The following TMEM217 variants were observed in gnomAD, a reference collection of about 807,000 sequenced individuals.
TMEM217 encodes the protein chromosome 6 open reading frame 128.
For synonymous variants in TMEM217, 76 were observed against 88.3 expected, an observed-to-expected ratio of 0.86 and a Z score of 0.78; for missense variants, 204 against 248.8, an observed-to-expected ratio of 0.82 and a Z score of 1.21.
chr6:37,240,368 G>A (rs1322560986), intron 1 of TMEM217, among the ~76,000 whole-genome samples: 1 of 152,112 alleles, frequency 6.6e-6, no homozygotes, highest in Non-Finnish European at 1.5e-5. Flanking sequence ...TCTGACTGTT[G>A]GCAGGAAGCC....
intron 1 of TMEM217, among the ~76,000 whole-genome samples, chr6:37,251,259 A>T (rs1453314980): frequency 6.6e-6 from 1 of 151,634 alleles, no homozygotes; most frequent in African/African-American, 2.4e-5. Context: ...CACATCTCAC[A>T]TATGGGAATG....
intron 1 of TMEM217, among the ~76,000 whole-genome samples, chr6:37,220,666 A>G (rs941993507): frequency 7.9e-5 from 12 of 152,140 alleles, no homozygotes; most frequent in Non-Finnish European, 1.2e-4. Context: ...GCAGAAGCAA[A>G]TTCAAATCCT....
chr6:37,251,975 C>T (rs1439051278), intron 1 of TMEM217, among the ~76,000 whole-genome samples: 1 of 152,140 alleles, frequency 6.6e-6, no homozygotes, highest in East Asian at 1.9e-4. Flanking sequence ...CTCACTGCAA[C>T]CTCCACCTCC....
downstream of TMEM217, among the ~76,000 whole-genome samples, chr6:37,214,897 G>A (rs1328020757): frequency 2.0e-5 from 3 of 152,122 alleles, no homozygotes; most frequent in Non-Finnish European, 4.4e-5. Context: ...CTGCACCAAC[G>A]AAACCTCACC....
intron 1 of TMEM217, among the ~76,000 whole-genome samples, chr6:37,224,255 A>C (rs1288750209): frequency 1.3e-5 from 2 of 150,782 alleles, no homozygotes; most frequent in African/African-American, 4.9e-5. Flanking sequence ...TCAGCCTTTT[A>C]ACTAGCTGGG....
chr6:37,212,407 G>A (rs992949004), exon 4 of TMEM217: 18 of 400,400 alleles, frequency 4.5e-5, no homozygotes, highest in Non-Finnish European at 9.1e-5. Context: ...CCTGGCATCT[G>A]GCATGGTTCA....
At chr6:37,217,663 C>T (rs1029127987) in exon 2 of TMEM217, 1 of 985,282 alleles carries the variant, frequency 1.0e-6, no homozygotes, top group South Asian at 4.7e-5. Flanking sequence ...TATTTTTATT[C>T]TTTTTCTTAT....
At chr6:37,224,250 C>T (rs1763690062) in intron 1 of TMEM217, among the ~76,000 whole-genome samples, 1 of 151,594 alleles carries the variant, frequency 6.6e-6, no homozygotes, top group African/African-American at 2.4e-5. Context: ...CTGCCTCAGC[C>T]TTTTAACTAG....
chr6:37,253,270 A>G (rs1418021078), intron 1 of TMEM217, among the ~76,000 whole-genome samples: 1 of 151,758 alleles, frequency 6.6e-6, no homozygotes, highest in East Asian at 1.9e-4. Context: ...TATTCTTTTC[A>G]TTTTCCCCTG....
At chr6:37,246,129 AG>A (rs1202839523) in intron 1 of TMEM217, among the ~76,000 whole-genome samples, 1 of 152,142 alleles carries the variant, frequency 6.6e-6, no homozygotes, top group African/African-American at 2.4e-5. Context: ...TTGACAGCTA[AG>A]TTTCTTGAAA....
At chr6:37,252,613 GTGTGTATA>G (rs1335231634) in intron 1 of TMEM217, among the ~76,000 whole-genome samples, 58 of 89,952 alleles carry the variant, frequency 6.4e-4, no homozygotes, top group South Asian at 1.2e-3. Flanking sequence ...GTGTGTATGT[GTGTGTATA>G]TATATATATA....
Position 37,229,822 on chromosome 6 carries a change from AAC to A in TMEM217, c.-11-10783_-11-10782del, listed in dbSNP as rs201678872. ...AAATTACCACAAACTGAGTGGTTAC[AAC>A]ACACAGTTATAATAGTATCTCAGTT... On this transcript the variant is annotated intron_variant, in intron 1 of 1. Transcript: ENST00000357219. Among the ~76,000 whole-genome samples the A allele has an allele frequency of 7.8e-3, 1,191 of 152,286 alleles. 8 individuals are homozygous for A. Among genetic ancestry groups the A allele is most frequent in the Middle Eastern group, 0.027 (8 of 294 alleles).
intron 1 of TMEM217, among the ~76,000 whole-genome samples, chr6:37,257,248 A>G (rs1462886952): frequency 6.6e-6 from 1 of 152,178 alleles, no homozygotes; most frequent in African/African-American, 2.4e-5. Flanking sequence ...ACAGAGGGAG[A>G]GGGAGACTCT....
At chr6:37,215,425 A>C, downstream of TMEM217, 2 of 1,088,492 alleles carry the variant, frequency 1.8e-6, no homozygotes, top group Non-Finnish European at 2.5e-6. Context: ...AGATACAAAA[A>C]TTAGCTGGGC....
chr6:37,250,483 T>C (rs972590912), intron 1 of TMEM217, among the ~76,000 whole-genome samples: 1 of 152,262 alleles, frequency 6.6e-6, no homozygotes, highest in African/African-American at 2.4e-5. Context: ...CTCACACTCA[T>C]TGCTGTGAGG....
At chr6:37,253,532 G>A (rs1765563964) in intron 1 of TMEM217, among the ~76,000 whole-genome samples, 1 of 152,122 alleles carries the variant, frequency 6.6e-6, no homozygotes, top group East Asian at 1.9e-4. Context: ...CTCTAACAGT[G>A]GTTGTTTAGA....
At chr6:37,252,637 A>ATTTTTTT (rs374265453) in intron 1 of TMEM217, among the ~76,000 whole-genome samples, 3 of 71,358 alleles carry the variant, frequency 4.2e-5, no homozygotes, top group African/African-American at 1.0e-4. Flanking sequence ...ATATATATAT[A>ATTTTTTT]TTTTTTTTTT....
chr6:37,223,939 C>CT lies in TMEM217; in HGVS notation c.-11-4899dup, dbSNP rs55894035. On this transcript the variant is annotated intron_variant, in intron 1 of 1. Coordinates refer to ENST00000357219, the Ensembl canonical transcript of TMEM217. ...GCTCAACAGAGCCTCCTGCCTCAGC[C>CT]TTTTTTTTTTTTTCTGGAGACAGGA... Among the ~76,000 whole-genome samples, 987 of 144,266 alleles carry CT rather than the reference C, an allele frequency of 6.8e-3. 7 individuals are homozygous for CT. The highest frequency in any genetic ancestry group is 0.017 in the African/African-American group (688 of 39,404). The allele number at this position is 144,266 out of a possible 152,430, so 94.6% of individuals were successfully genotyped here.
At chr6:37,242,001 G>A (rs763214304) in intron 1 of TMEM217, among the ~76,000 whole-genome samples, 32 of 148,884 alleles carry the variant, frequency 2.1e-4, no homozygotes, top group Non-Finnish European at 4.4e-4. Context: ...GGAAAAATTC[G>A]ATCTCAATTT....
Sources: allele counts gnomAD v4.1 joint callset (sites outside exome capture counted in the v4.1 genomes callset), GRCh38; gene constraint gnomAD v4.1.1; transcripts MANE v1.5; gene names NCBI Gene and HGNC (gene_info 2026-07-23, HGNC 2026-07-21).